The following SFXN1 variants were observed in gnomAD, a reference collection of about 807,000 sequenced individuals.
SFXN1 encodes sideroflexin-1.
In SFXN1, 32 loss-of-function variants were observed where a neutral mutation model predicts 39.5. That is an observed-to-expected ratio of 0.81 (90% confidence interval 0.61 to 1.09). The LOEUF is 1.09. Among genes scored for constraint, SFXN1 ranks in the 50% least tolerant of loss-of-function variants. The pLI, the probability that SFXN1 is intolerant of heterozygous loss-of-function variation, is 0.00. For missense variants in SFXN1, 402 were observed against 407.1 expected, an observed-to-expected ratio of 0.99 and a Z score of 0.11; for synonymous variants, 136 against 146.5, an observed-to-expected ratio of 0.93 and a Z score of 0.52.
chr5:175,486,717 G>A (rs1281126216), intron 1 of SFXN1, among the ~76,000 whole-genome samples: 2 of 152,156 alleles, frequency 1.3e-5, no homozygotes, highest in African/African-American at 4.8e-5. Context: ...CGTCAAGGCT[G>A]CAGTGAGCTA....
intron 10 of SFXN1, 25 bp from the exon 11 acceptor site, chr5:175,526,612 AC>A (rs1350997381): frequency 1.9e-6 from 3 of 1,596,236 alleles, no homozygotes; most frequent in Middle Eastern, 1.7e-4. Flanking sequence ...CTGTGTAATA[AC>A]CCTGTCATTT....
intron 10 of SFXN1, chr5:175,524,128 AT>A (rs1760982339): frequency 5.4e-5 from 1 of 18,424 alleles, no homozygotes; most frequent in African/African-American, 3.0e-4. Flanking sequence ...AAAAAAAAAT[AT>A]ATATATATAT....
intron 1 of SFXN1, among the ~76,000 whole-genome samples, chr5:175,489,120 T>TA (rs11412782): frequency 0.65 from 98,073 of 151,418 alleles, 32,203 homozygotes; most frequent in African/African-American, 0.73. Flanking sequence ...TTAGACCTTC[T>TA]GAAAAAAACA....
chr5:175,513,435 AG>A, intron 6 of SFXN1, 27 bp from the exon 7 acceptor site: 1 of 1,602,972 alleles, frequency 6.2e-7, no homozygotes, highest in South Asian at 1.1e-5. Flanking sequence ...GCATTGGTGG[AG>A]CTCTCTGTAT....
Position 175,512,081 on chromosome 5 carries a change from A to G in SFXN1, c.511-30A>G, listed in dbSNP as rs200871951. 14 of 1,593,548 alleles carry G rather than the reference A, an allele frequency of 8.8e-6. No individual in the cohort carries two copies. The East Asian group carries it at 8.9e-5, about 10-fold the overall frequency. On this transcript the variant is annotated intron_variant, in intron 5 of 10. Transcript: ENST00000321442. ...CATTTACTAGTACAGGAAAAATAAG[A>G]TAAAGCTCTTGAAATTTTCTCCTCT...
intron 2 of SFXN1, among the ~76,000 whole-genome samples, chr5:175,496,898 C>CT (rs199938560): frequency 0.29 from 42,357 of 147,214 alleles, 6,175 homozygotes; most frequent in South Asian, 0.45. Flanking sequence ...GATACTCTTT[C>CT]TTTTTTTTTT....
chr5:175,492,038 TA>T, intron 1 of SFXN1, 56 bp from the exon 2 acceptor site: 1 of 1,359,032 alleles, frequency 7.4e-7, no homozygotes, highest in Non-Finnish European at 1.0e-6. Flanking sequence ...GTAAAGTTTC[TA>T]AATACGTAGT....
At chr5:175,515,168 C>T (rs1760677449) in intron 7 of SFXN1, among the ~76,000 whole-genome samples, 1 of 152,194 alleles carries the variant, frequency 6.6e-6, no homozygotes, top group Non-Finnish European at 1.5e-5. Flanking sequence ...AGGCGTGCGC[C>T]ACCACACCCA....
intron 10 of SFXN1, among the ~76,000 whole-genome samples, chr5:175,526,153 A>AT (rs1301848032): frequency 2.5e-5 from 2 of 80,260 alleles, no homozygotes; most frequent in African/African-American, 1.0e-4. Context: ...ACATTTTAGT[A>AT]TTTTTTGAAA....
chr5:175,492,029 TAAA>T, intron 1 of SFXN1, 63 bp from the exon 2 acceptor site: 1 of 1,281,006 alleles, frequency 7.8e-7, no homozygotes, highest in Non-Finnish European at 1.1e-6. Context: ...AAGGTGACTG[TAAA>T]GTTTCTAAAT....
At chr5:175,525,635 G>T (rs373712811) in intron 10 of SFXN1, among the ~76,000 whole-genome samples, 1 of 152,128 alleles carries the variant, frequency 6.6e-6, no homozygotes, top group South Asian at 2.1e-4. Flanking sequence ...TTGAGGCAGG[G>T]TCTCACTCTC....
intron 10 of SFXN1, among the ~76,000 whole-genome samples, chr5:175,524,435 A>G (rs1013319048): frequency 3.3e-5 from 5 of 151,868 alleles, no homozygotes; most frequent in African/African-American, 9.7e-5. Flanking sequence ...TTGTTGTTGT[A>G]TAATAGTGCA....
At chr5:175,517,392 C>T (rs1019543405) in intron 8 of SFXN1, among the ~76,000 whole-genome samples, 12 of 152,078 alleles carry the variant, frequency 7.9e-5, no homozygotes, top group Non-Finnish European at 7.4e-5. Context: ...ACCTGCCCCA[C>T]GCCCCACATG....
intron 10 of SFXN1, chr5:175,524,113 A>G (rs2113366242): frequency 1.8e-5 from 1 of 55,108 alleles, no homozygotes; most frequent in Non-Finnish European, 3.2e-5. Flanking sequence ...CAAAAAAAAA[A>G]AAAAAAAAAA....
Position 175,512,708 on chromosome 5 carries a change from G to A in SFXN1, c.596+512G>A, listed in dbSNP as rs369082065. On this transcript the variant is annotated intron_variant, in intron 6 of 10. Coordinates refer to ENST00000321442, the MANE Select transcript of SFXN1 (RefSeq NM_022754.7). ...ATGGATAACGAAAAACAGGGGTAAC[G>A]GTAGAAGTTATACTTAGTGTTAGTA... 6.6e-5 allele frequency among the ~76,000 whole-genome samples: 10 copies of A among 152,224 alleles called. No individual in the cohort carries two copies. In the East Asian group the frequency reaches 1.2e-3, roughly 18 times the overall value.
intron 2 of SFXN1, chr5:175,492,520 C>T (rs1283260150): frequency 6.6e-6 from 2 of 301,630 alleles, no homozygotes; most frequent in African/African-American, 4.3e-5. Context: ...ATACCAATCC[C>T]TTTCTCCTGG....
At chr5:175,506,589 C>T (rs940724598) in intron 2 of SFXN1, among the ~76,000 whole-genome samples, 2 of 152,160 alleles carry the variant, frequency 1.3e-5, no homozygotes, top group Non-Finnish European at 2.9e-5. Context: ...ATATGCCCAA[C>T]ACTAGGAGAT....
At chr5:175,491,980 A>G (rs1581270193) in intron 1 of SFXN1, 115 bp from the exon 2 acceptor site, 1 of 623,010 alleles carries the variant, frequency 1.6e-6, no homozygotes, top group Non-Finnish European at 2.5e-6. Flanking sequence ...AATTATCTTT[A>G]TAAATAGGAA....
intron 4 of SFXN1, 145 bp from the exon 5 acceptor site, chr5:175,511,306 G>A: frequency 1.6e-6 from 1 of 640,096 alleles, no homozygotes; most frequent in Non-Finnish European, 2.7e-6. Context: ...TCCCCTACTT[G>A]TGGAGTGATA....
Sources: allele counts gnomAD v4.1 joint callset (sites outside exome capture counted in the v4.1 genomes callset), GRCh38; gene constraint gnomAD v4.1.1; transcripts MANE v1.5; gene names NCBI Gene and HGNC (gene_info 2026-07-23, HGNC 2026-07-21).